The following CRPPA variants were observed in gnomAD, a reference collection of about 807,000 sequenced individuals.
CRPPA encodes the protein CDP-L-ribitol pyrophosphorylase A.
A neutral mutation model predicts 52.0 loss-of-function variants in CRPPA; 43 were observed. The observed-to-expected ratio is 0.83, with a 90% CI of 0.65 to 1.07. The LOEUF (loss-of-function observed/expected upper bound fraction) is 1.07, where lower values mean the gene tolerates loss of function less well. CRPPA is among the 50% of genes least tolerant of loss of function. CRPPA has a pLI of 0.00. For synonymous variants in CRPPA, 250 were observed against 203.5 expected (o/e 1.23, Z -1.94); for missense variants, 629 against 551.7 (o/e 1.14, Z -1.40).
chr7:16,208,308 T>C (rs1433110935), intron 9 of CRPPA, among the ~76,000 whole-genome samples: 1 of 152,174 alleles, frequency 6.6e-6, no homozygotes, highest in East Asian at 1.9e-4. Flanking sequence ...TTTTTGCCAG[T>C]TTAATATGTC....
intron 9 of CRPPA, among the ~76,000 whole-genome samples, chr7:16,147,265 T>C (rs1004799364): frequency 1.3e-5 from 2 of 152,158 alleles, no homozygotes; most frequent in Admixed American, 1.3e-4. Context: ...GATGGACTAA[T>C]ACCCTCACCT....
chr7:16,362,476 A>G (rs1786480256), intron 3 of CRPPA, among the ~76,000 whole-genome samples: 1 of 152,138 alleles, frequency 6.6e-6, no homozygotes, highest in Non-Finnish European at 1.5e-5. Flanking sequence ...CACCTCTAAA[A>G]GAGTCCTACT....
chr7:16,232,485 T>G (rs1782827608), intron 8 of CRPPA, among the ~76,000 whole-genome samples: 1 of 152,150 alleles, frequency 6.6e-6, no homozygotes, highest in African/African-American at 2.4e-5. Context: ...CAATTGTCAG[T>G]AGCATGCTCT....
At chr7:16,093,702 A>G (rs1781882704) in intron 9 of CRPPA, among the ~76,000 whole-genome samples, 1 of 152,224 alleles carries the variant, frequency 6.6e-6, no homozygotes, top group Non-Finnish European at 1.5e-5. Flanking sequence ...GACTTAAAAT[A>G]TGATTGATTT....
chr7:16,119,497 A>G (rs183859542), intron 9 of CRPPA, among the ~76,000 whole-genome samples: 2 of 152,354 alleles, frequency 1.3e-5, no homozygotes, highest in African/African-American at 4.8e-5. Context: ...TAATTTTCCA[A>G]TTTCAATAAA....
chr7:16,295,502 A>C (rs1456621740), intron 5 of CRPPA, among the ~76,000 whole-genome samples: 1 of 152,112 alleles, frequency 6.6e-6, no homozygotes, highest in Non-Finnish European at 1.5e-5. Context: ...GGTTTGTACA[A>C]GTATAACCAA....
At position 16,286,061 on chromosome 7, in the gene CRPPA, AT is replaced by A. The variant is rs1179920629; in HGVS notation, c.836-7836del. Among the ~76,000 whole-genome samples the A allele has an allele frequency of 5.0e-4, 20 of 40,126 alleles. 1 individual carries two copies. The highest frequency in any genetic ancestry group is 2.6e-3 in the African/African-American group (17 of 6,484). The allele number at this position is 40,126 out of a possible 152,430, so 26.3% of individuals were successfully genotyped here. A position where few individuals can be genotyped will look rare whatever the true frequency, so the allele number is the denominator to read the frequency against. ...AAAATATAAATATATATATATATAT[AT>A]ATATATATATATATATATAATATTT... On this transcript the variant is annotated intron_variant, in intron 5 of 9. Coordinates refer to ENST00000407010, the MANE Select transcript of CRPPA (RefSeq NM_001101426.4).
intron 3 of CRPPA, among the ~76,000 whole-genome samples, chr7:16,351,967 T>A (rs1786166344): frequency 6.6e-6 from 1 of 152,176 alleles, no homozygotes. Context: ...TGCATACGTA[T>A]GTTTATTGCA....
intron 5 of CRPPA, among the ~76,000 whole-genome samples, chr7:16,286,041 ATAAATATATATAT>A (rs1562608398): frequency 0.027 from 328 of 12,284 alleles, 40 homozygotes; most frequent in Non-Finnish European, 0.032. Context: ...AAAAAAAAAT[ATAAATATATATAT>A]ATATATATAT....
At chr7:16,171,221 T>TA (rs1781178643) in intron 9 of CRPPA, among the ~76,000 whole-genome samples, 1 of 152,238 alleles carries the variant, frequency 6.6e-6, no homozygotes, top group African/African-American at 2.4e-5. Flanking sequence ...AGCAAACATT[T>TA]AAAATGTTTC....
At chr7:16,238,501 A>G (rs1250498567) in intron 8 of CRPPA, among the ~76,000 whole-genome samples, 1 of 152,188 alleles carries the variant, frequency 6.6e-6, no homozygotes, top group East Asian at 1.9e-4. Flanking sequence ...CTGATGAAAA[A>G]ATATTTTGTA....
At chr7:16,189,520 T>C (rs1308037182) in intron 9 of CRPPA, among the ~76,000 whole-genome samples, 1 of 152,096 alleles carries the variant, frequency 6.6e-6, no homozygotes, top group Non-Finnish European at 1.5e-5. Flanking sequence ...CATAGCCACA[T>C]GTGAGGAAAA....
chr7:16,335,154 C>CAAAAAAAAAA (rs60632334), intron 3 of CRPPA, among the ~76,000 whole-genome samples: 8 of 93,802 alleles, frequency 8.5e-5, no homozygotes, highest in African/African-American at 1.3e-4. Context: ...CCCATCTCTA[C>CAAAAAAAAAA]AAAAAAAAAA....
intron 6 of CRPPA, among the ~76,000 whole-genome samples, chr7:16,267,493 C>T (rs2128415089): frequency 6.6e-6 from 1 of 152,242 alleles, no homozygotes; most frequent in East Asian, 1.9e-4. Flanking sequence ...CCACATTAAT[C>T]TAAAAGTCAT....
chr7:16,420,005 G>A (rs111467266), intron 1 of CRPPA, among the ~76,000 whole-genome samples: 4,647 of 152,174 alleles, frequency 0.031, 137 homozygotes, highest in African/African-American at 0.073. Flanking sequence ...GTTTAGGCAG[G>A]GGCAAGGTGA....
intron 8 of CRPPA, among the ~76,000 whole-genome samples, chr7:16,233,186 A>G (rs888629886): frequency 6.6e-5 from 10 of 152,238 alleles, no homozygotes; most frequent in African/African-American, 2.4e-4. Context: ...ACAGACCACC[A>G]GTGAGATATG....
At chr7:16,258,532 T>G (rs1783708467) in intron 7 of CRPPA, 50 bp from the exon 8 acceptor site, 1 of 1,036,370 alleles carries the variant, frequency 9.6e-7, no homozygotes, top group African/African-American at 1.6e-5. Flanking sequence ...TTTAAATGAC[T>G]TAAAACTTAT....
At position 16,275,678 on chromosome 7, in the gene CRPPA, A is replaced by T. The variant is rs1784186755; in HGVS notation, c.933+2451T>A. Among the ~76,000 whole-genome samples, 6 of 152,244 alleles carry T rather than the reference A, an allele frequency of 3.9e-5. 1 individual carries two copies. The South Asian group carries it at 1.2e-3, about 32-fold the overall frequency. ...CTCCTGTCTCTACAAAAAGGAAAAAAAAAATTAGCTGGGCATTGCAGTGTG... is the reference window on the plus strand; with the variant it reads ...CTCCTGTCTCTACAAAAAGGAAAAATAAAATTAGCTGGGCATTGCAGTGTG... On this transcript the variant is annotated intron_variant, in intron 6 of 9. Transcript: ENST00000407010.
chr7:16,168,262 A>G (rs1781107684), intron 9 of CRPPA, among the ~76,000 whole-genome samples: 1 of 152,164 alleles, frequency 6.6e-6, no homozygotes, highest in Non-Finnish European at 1.5e-5. Flanking sequence ...TTTGATACCA[A>G]TAAATACTTC....
Sources: allele counts gnomAD v4.1 joint callset (sites outside exome capture counted in the v4.1 genomes callset), GRCh38; gene constraint gnomAD v4.1.1; transcripts MANE v1.5; gene names NCBI Gene and HGNC (gene_info 2026-07-23, HGNC 2026-07-21).